The following PDE8B variants were observed in gnomAD, a reference collection of about 807,000 sequenced individuals.
The protein encoded by PDE8B is phosphodiesterase 8B, also known as high affinity cAMP-specific and IBMX-insensitive 3',5'-cyclic phosphodiesterase 8B.
PDE8B carries 26 observed loss-of-function variants against 101.3 expected under a neutral mutation model. That is an observed-to-expected ratio of 0.26 (90% CI 0.19 to 0.36). The LOEUF (loss-of-function observed/expected upper bound fraction) is 0.36. Ranked by LOEUF, PDE8B falls within the 10% of genes least tolerant of loss-of-function variation. The pLI, the probability that PDE8B is intolerant of heterozygous loss-of-function variation, is 1.00. For synonymous variants in PDE8B, 424 were observed against 429.3 expected (o/e 0.99, Z 0.15); for missense variants, 810 against 1,163.1 (o/e 0.70, Z 4.42).
the PDE8B span, among the ~76,000 whole-genome samples, chr5:77,174,926 A>G: frequency 6.6e-6 from 1 of 152,108 alleles, no homozygotes; most frequent in Non-Finnish European, 1.5e-5. Flanking sequence ...TCTAATAGAG[A>G]TTCTTATTTC....
intron 11 of PDE8B, among the ~76,000 whole-genome samples, chr5:77,400,937 T>C (rs1032064945): frequency 6.6e-6 from 1 of 152,192 alleles, no homozygotes; most frequent in Non-Finnish European, 1.5e-5. Flanking sequence ...GCAACATTCT[T>C]TGCCCTGTTG....
intron 7 of PDE8B, among the ~76,000 whole-genome samples, chr5:77,345,721 TG>T (rs1226244180): frequency 6.6e-6 from 1 of 152,240 alleles, no homozygotes; most frequent in Admixed American, 6.5e-5. Context: ...CATCTGTATT[TG>T]TAAAATACCC....
chr5:77,122,843 T>C, the PDE8B span, among the ~76,000 whole-genome samples: 11 of 152,238 alleles, frequency 7.2e-5, no homozygotes, highest in African/African-American at 2.6e-4. Context: ...AAAAAACTAT[T>C]TTAAGACATT....
chr5:77,122,651 G>A, the PDE8B span, among the ~76,000 whole-genome samples: 3 of 152,118 alleles, frequency 2.0e-5, no homozygotes, highest in African/African-American at 7.2e-5. Context: ...ATCAGCTATT[G>A]TTTTAGCACA....
chr5:77,399,051 CAAGAT>C (rs2150990670), intron 10 of PDE8B, among the ~76,000 whole-genome samples: 2 of 152,344 alleles, frequency 1.3e-5, no homozygotes, highest in Middle Eastern at 3.4e-3. Context: ...GGTGGCAAGA[CAAGAT>C]AACGGATCCC....
chr5:77,109,927 G>GTTTTTTTTTTTTTTTTTTTTTTTTTTT, the PDE8B span, among the ~76,000 whole-genome samples: 1 of 67,234 alleles, frequency 1.5e-5, no homozygotes, highest in African/African-American at 5.8e-5. Flanking sequence ...TTGTATTTCA[G>GTTTTTTTTTTTTTTTTTTTTTTTTTTT]TTTTTTTTTT....
At chr5:77,320,357 G>C (rs1443574658) in intron 2 of PDE8B, among the ~76,000 whole-genome samples, 1 of 152,212 alleles carries the variant, frequency 6.6e-6, no homozygotes, top group Admixed American at 6.5e-5. Flanking sequence ...AGTTGGCTGA[G>C]CTCTGCTCCA....
At chr5:77,143,158 C>T in the PDE8B span, among the ~76,000 whole-genome samples, 1 of 152,100 alleles carries the variant, frequency 6.6e-6, no homozygotes, top group South Asian at 2.1e-4. Context: ...TCCCTATGTG[C>T]GGCTCCCTGA....
intron 1 of PDE8B, among the ~76,000 whole-genome samples, chr5:77,252,820 G>A (rs1758338168): frequency 6.6e-6 from 1 of 152,058 alleles, no homozygotes; most frequent in Non-Finnish European, 1.5e-5. Flanking sequence ...AATACTTCTG[G>A]CCAATATTTT....
At chr5:77,212,743 C>T (rs542173697) in intron 1 of PDE8B, among the ~76,000 whole-genome samples, 134 of 151,960 alleles carry the variant, frequency 8.8e-4, no homozygotes, top group African/African-American at 3.0e-3. Context: ...TTTTGTCAAG[C>T]TCTCTCTCTC....
chr5:77,251,586 G>T (rs896253597), intron 1 of PDE8B, among the ~76,000 whole-genome samples: 9 of 152,174 alleles, frequency 5.9e-5, no homozygotes, highest in Non-Finnish European at 1.3e-4. Context: ...ATTATTTTCA[G>T]TTATGACTTC....
the PDE8B span, among the ~76,000 whole-genome samples, chr5:77,116,224 A>ATATATATATT: frequency 1.7e-5 from 1 of 59,610 alleles, no homozygotes; most frequent in African/African-American, 7.2e-5. Flanking sequence ...ATATATATAT[A>ATATATATATT]TTTTTTTTTT....
chr5:77,144,526 G>A, the PDE8B span: 6 of 151,994 alleles, frequency 3.9e-5, no homozygotes, highest in African/African-American at 7.2e-5. Flanking sequence ...AAAGTAGGTG[G>A]TGATACTTGG....
At chr5:77,369,923 T>G (rs1784792476) in intron 10 of PDE8B, among the ~76,000 whole-genome samples, 1 of 152,220 alleles carries the variant, frequency 6.6e-6, no homozygotes, top group African/African-American at 2.4e-5. Context: ...TTGTGAAAAT[T>G]GTCAGGCATA....
At chr5:77,275,285 TA>T (rs1269377838) in intron 1 of PDE8B, among the ~76,000 whole-genome samples, 1 of 152,212 alleles carries the variant, frequency 6.6e-6, no homozygotes, top group Non-Finnish European at 1.5e-5. Context: ...TAACCACTGT[TA>T]ACAATGTGGA....
chr5:77,160,500 T>A, the PDE8B span, among the ~76,000 whole-genome samples: 1 of 152,232 alleles, frequency 6.6e-6, no homozygotes. Flanking sequence ...GGGTTAACTG[T>A]AGATTGTCGT....
chr5:77,173,009 G>A, the PDE8B span, among the ~76,000 whole-genome samples: 1 of 152,150 alleles, frequency 6.6e-6, no homozygotes, highest in Non-Finnish European at 1.5e-5. Context: ...ACATATATAG[G>A]GTAGAGTCTC....
At chr5:77,125,147 C>A in the PDE8B span, among the ~76,000 whole-genome samples, 6 of 152,186 alleles carry the variant, frequency 3.9e-5, no homozygotes, top group Non-Finnish European at 8.8e-5. Flanking sequence ...CATGCACCGC[C>A]ATGCCAGCTA....
At chr5:77,386,861 GTTTCTTTTTTTTT>G (rs1561630086) in intron 10 of PDE8B, among the ~76,000 whole-genome samples, 1 of 105,486 alleles carries the variant, frequency 9.5e-6, no homozygotes, top group African/African-American at 3.9e-5. Flanking sequence ...AGTTGATGTA[GTTTCTTTTTTTTT>G]TTTTTTTTTT....
Sources: allele counts gnomAD v4.1 joint callset (sites outside exome capture counted in the v4.1 genomes callset), GRCh38; gene constraint gnomAD v4.1.1; transcripts MANE v1.5; gene names NCBI Gene and HGNC (gene_info 2026-07-23, HGNC 2026-07-21).